Variants in LRRC4C observed in about 807,000 individuals in gnomAD.
The protein encoded by LRRC4C is leucine rich repeat containing 4C, also known as leucine-rich repeat-containing protein 4C.
Under a neutral mutation model 33.6 loss-of-function variants are expected in LRRC4C, and 5 were observed. The ratio of observed to expected loss-of-function variants is 0.15; its 90% confidence interval spans 0.08 to 0.31. The LOEUF is 0.31. Ranked by LOEUF, LRRC4C falls within the 10% of genes least tolerant of loss-of-function variation. LRRC4C has a pLI of 1.00. For synonymous variants in LRRC4C, 329 were observed against 302.0 expected (o/e 1.09, Z -0.93); for missense variants, 560 against 796.7 (o/e 0.70, Z 3.58).
At chr11:40,866,169 T>TAAAAAAAAAAAAA (rs34472076) in intron 2 of LRRC4C, among the ~76,000 whole-genome samples, 1 of 135,274 alleles carries the variant, frequency 7.4e-6, no homozygotes, top group African/African-American at 2.7e-5. Context: ...TAATTCTACT[T>TAAAAAAAAAAAAA]AAAAAAAAAA....
chr11:41,023,424 T>C (rs1207363640), intron 1 of LRRC4C, among the ~76,000 whole-genome samples: 1 of 151,682 alleles, frequency 6.6e-6, no homozygotes, highest in Non-Finnish European at 1.5e-5. Context: ...GGTAAAAGAA[T>C]TAAATGGGAT....
intron 2 of LRRC4C, among the ~76,000 whole-genome samples, chr11:40,780,029 G>A (rs923375847): frequency 5.3e-5 from 8 of 152,072 alleles, no homozygotes; most frequent in Admixed American, 2.6e-4. Context: ...AGAATGGTTC[G>A]ATTTCTTCAT....
chr11:40,280,369 G>A (rs966703557), intron 4 of LRRC4C, among the ~76,000 whole-genome samples: 5 of 152,188 alleles, frequency 3.3e-5, no homozygotes, highest in African/African-American at 1.2e-4. Context: ...GATATGAAAG[G>A]CTCTAATGAG....
At chr11:41,170,708 A>T (rs185801972) in intron 1 of LRRC4C, among the ~76,000 whole-genome samples, 5,716 of 152,172 alleles carry the variant, frequency 0.038, 135 homozygotes, top group East Asian at 0.07. Flanking sequence ...AGGACTTCAC[A>T]TCTAAAACAC....
At chr11:40,953,086 C>A (rs1479300584) in intron 1 of LRRC4C, among the ~76,000 whole-genome samples, 2 of 151,810 alleles carry the variant, frequency 1.3e-5, no homozygotes, top group African/African-American at 4.8e-5. Context: ...CAAGTTTGCT[C>A]TAAAATGTTT....
chr11:40,585,635 A>T (rs1379358635), intron 3 of LRRC4C, among the ~76,000 whole-genome samples: 11 of 81,872 alleles, frequency 1.3e-4, no homozygotes, highest in Non-Finnish European at 9.1e-5. Flanking sequence ...CCCCCACCCC[A>T]CAACAGTCCC....
In LRRC4C at chr11:40,985,681, C is replaced by T. The variant is rs1852940730; in HGVS notation, c.-495-51958G>A. Among the ~76,000 whole-genome samples, 4 of 6,362 alleles carry T rather than the reference C, an allele frequency of 6.3e-4. 2 individuals are homozygous for T. Among genetic ancestry groups the T allele is most frequent in the African/African-American group, 6.7e-4 (4 of 6,012 alleles). 4.2% of individuals were successfully genotyped at this position (6,362 alleles called of 152,430 possible). A position where few individuals can be genotyped will look rare whatever the true frequency, so the allele number is the denominator to read the frequency against. ...TAATTTTTTGTATTTTTAGTAGAGA[C>T]GGGGTTTCACCTTGTTAGCCAGGAT... is the stretch of plus-strand genomic sequence containing the variant. On this transcript the variant is annotated intron_variant, in intron 1 of 6. Coordinates refer to ENST00000528697, the MANE Select transcript of LRRC4C (RefSeq NM_001258419.2).
At chr11:40,575,392 A>G (rs1051606075) in intron 3 of LRRC4C, among the ~76,000 whole-genome samples, 25 of 105,048 alleles carry the variant, frequency 2.4e-4, no homozygotes, top group African/African-American at 6.3e-4. Flanking sequence ...TAATTTCATG[A>G]AAAAAAAAAA....
intron 3 of LRRC4C, among the ~76,000 whole-genome samples, chr11:40,448,290 T>TGTGCAGAAC (rs1226228297): frequency 4.6e-5 from 7 of 152,182 alleles, no homozygotes; most frequent in Admixed American, 2.6e-4. Context: ...CTGGGACACA[T>TGTGCAGAAC]GTGCAGAACG....
chr11:41,379,699 G>T (rs997584045), intron 1 of LRRC4C, among the ~76,000 whole-genome samples: 4 of 151,842 alleles, frequency 2.6e-5, no homozygotes, highest in Admixed American at 6.6e-5. Flanking sequence ...TTTGTTTCTT[G>T]ATGTTCCTGC....
rs114913636 is a variant in LRRC4C at position 41,003,044 on chromosome 11, C to T, written c.-495-69321G>A. 7.6e-3 allele frequency among the ~76,000 whole-genome samples: 1,160 copies of T among 151,758 alleles called. 13 individuals carry two copies. The highest frequency in any genetic ancestry group is 0.027 in the African/African-American group (1,107 of 41,350). Reference sequence around the variant, plus strand: ...ATCATAGTTAAATATATTACTTCTCCGATGAAAACATTGAAAAGTGACAAA... The same window carrying T: ...ATCATAGTTAAATATATTACTTCTCTGATGAAAACATTGAAAAGTGACAAA... On this transcript the variant is annotated intron_variant, in intron 1 of 6. Coordinates refer to ENST00000528697, the MANE Select transcript of LRRC4C (RefSeq NM_001258419.2).
intron 1 of LRRC4C, among the ~76,000 whole-genome samples, chr11:41,054,468 T>C (rs1858472814): frequency 6.6e-6 from 1 of 152,190 alleles, no homozygotes; most frequent in African/African-American, 2.4e-5. Flanking sequence ...TCAAAGATTT[T>C]GAAAGTGCTG....
chr11:40,438,588 A>G (rs561834260), intron 3 of LRRC4C, among the ~76,000 whole-genome samples: 1 of 152,308 alleles, frequency 6.6e-6, no homozygotes, highest in Admixed American at 6.5e-5. Context: ...ATAAACAGAT[A>G]TTTTATCTAT....
At chr11:40,304,033 A>G (rs1255496775) in intron 4 of LRRC4C, among the ~76,000 whole-genome samples, 2 of 152,242 alleles carry the variant, frequency 1.3e-5, no homozygotes, top group Non-Finnish European at 2.9e-5. Flanking sequence ...ACACTTGCTC[A>G]AAGGTTCCTT....
At chr11:40,348,109 C>T (rs1947217967) in intron 3 of LRRC4C, among the ~76,000 whole-genome samples, 1 of 152,016 alleles carries the variant, frequency 6.6e-6, no homozygotes, top group Admixed American at 6.6e-5. Context: ...ACAATAGTAA[C>T]ATCAAAGATC....
intron 5 of LRRC4C, among the ~76,000 whole-genome samples, chr11:40,164,792 G>A (rs1859448685): frequency 6.6e-6 from 1 of 152,108 alleles, no homozygotes; most frequent in Non-Finnish European, 1.5e-5. Flanking sequence ...TGTTTGAGGT[G>A]ATGGAAATCC....
chr11:41,249,464 T>C (rs1241647809), intron 1 of LRRC4C, among the ~76,000 whole-genome samples: 1 of 152,202 alleles, frequency 6.6e-6, no homozygotes, highest in East Asian at 1.9e-4. Flanking sequence ...AATTCATTTC[T>C]CTATTCGAAA....
chr11:40,459,789 G>A (rs1952305533), intron 3 of LRRC4C, among the ~76,000 whole-genome samples: 1 of 152,182 alleles, frequency 6.6e-6, no homozygotes, highest in Non-Finnish European at 1.5e-5. Flanking sequence ...CCATCACAAT[G>A]AGGGGTCCTT....
At chr11:40,301,900 C>A (rs572176846) in intron 4 of LRRC4C, among the ~76,000 whole-genome samples, 2 of 152,224 alleles carry the variant, frequency 1.3e-5, no homozygotes, top group Non-Finnish European at 2.9e-5. Context: ...TTGCTGTAGA[C>A]TTATGAAAAA....
Sources: allele counts gnomAD v4.1 joint callset (sites outside exome capture counted in the v4.1 genomes callset), GRCh38; gene constraint gnomAD v4.1.1; transcripts MANE v1.5; gene names NCBI Gene and HGNC (gene_info 2026-07-23, HGNC 2026-07-21).